The following LXN variants were observed in gnomAD, a reference collection of about 807,000 sequenced individuals.
LXN encodes latexin.
A neutral mutation model predicts 29.8 loss-of-function variants in LXN; 28 were observed. That is an observed-to-expected ratio of 0.94 (90% confidence interval 0.70 to 1.29). LXN has a LOEUF of 1.29. LXN is among the 50% of genes most tolerant of loss of function. LXN has a pLI of 0.00. For synonymous variants in LXN, 77 were observed against 89.6 expected, an observed-to-expected ratio of 0.86 and a Z score of 0.80; for missense variants, 227 against 261.7, an observed-to-expected ratio of 0.87 and a Z score of 0.92.
chr3:158,670,136 G>A (rs1724138885), intron 2 of LXN, among the ~76,000 whole-genome samples: 2 of 152,192 alleles, frequency 1.3e-5, no homozygotes, highest in African/African-American at 4.8e-5. Context: ...ATGCTCAACA[G>A]AAAGGCAAGC....
At chr3:158,669,685 T>G in intron 2 of LXN, 75 bp from the exon 3 acceptor site, 1 of 1,402,706 alleles carries the variant, frequency 7.1e-7, no homozygotes, top group Non-Finnish European at 9.8e-7. Flanking sequence ...GAGATATGAT[T>G]TAAAGCATAG....
In LXN at chr3:158,666,483, G is replaced by T; in HGVS notation, c.*163C>A. ...ATTACTGTTTTAAAGACATTTTTAT[G>T]TAGTGATACTTTGTATTATGGACTC... On this transcript the variant is annotated 3_prime_UTR_variant, in exon 6 of 6. Transcript: ENST00000264265. The T allele has an allele frequency of 8.5e-7, 1 of 1,171,276 alleles. No individual in the cohort carries two copies. Among genetic ancestry groups the T allele is most frequent in the Non-Finnish European group, 1.3e-6 (1 of 782,930 alleles). The allele number at this position is 1,171,276 out of a possible 1,614,324, so 72.6% of individuals were successfully genotyped here. A position where few individuals can be genotyped will look rare whatever the true frequency, so the allele number is the denominator to read the frequency against.
At position 158,666,626 on chromosome 3, in the gene LXN, T is replaced by C. The variant is rs893933244; in HGVS notation, c.*20A>G. On this transcript the variant is annotated 3_prime_UTR_variant, in exon 6 of 6. Coordinates refer to ENST00000264265, the MANE Select transcript of LXN (RefSeq NM_020169.4). ...ACACATCAATAGACATGTTTACACT[T>C]CCAGTGTTAGGGTTTTTGTTTATTC... is the stretch of plus-strand genomic sequence containing the variant. 1 of 1,593,286 alleles carries C rather than the reference T, an allele frequency of 6.3e-7. No homozygotes were observed. Among genetic ancestry groups the C allele is most frequent in the African/African-American group, 1.3e-5 (1 of 74,494 alleles).
intron 1 of LXN, among the ~76,000 whole-genome samples, chr3:158,671,673 A>G (rs2108067869): frequency 6.6e-6 from 1 of 152,364 alleles, no homozygotes; most frequent in South Asian, 2.1e-4. Flanking sequence ...ATTCTGTCAG[A>G]TAAATAAGGG....
At position 158,670,975 on chromosome 3, in the gene LXN, A is replaced by G. The variant is rs986329940; in HGVS notation, c.174T>C (p.Val58=). ...RGHKYHLKFA[V]EEIIQKQVKV... ...AACTTACTTTTTGTATAATTTCTTC[A>G]ACAGCAAATTTAAGGTGATACTTAT... The change falls in exon 2 of 6, where the codon GTT becomes GTC. Residue 58 remains valine (V), a synonymous_variant. Transcript: ENST00000264265. 2 of 1,541,440 alleles carry G rather than the reference A, an allele frequency of 1.3e-6. No individual in the cohort carries two copies. Among genetic ancestry groups the G allele is most frequent in the Non-Finnish European group, 1.7e-6 (2 of 1,146,706 alleles).
At position 158,669,557 on chromosome 3, in the gene LXN, T is replaced by G; in HGVS notation, c.246A>C (p.Glu82Asp). Residue 82 changes from glutamate to aspartate, a missense_variant, in exon 3 of 6, where the codon GAA (glutamate) becomes GAC (aspartate). Coordinates refer to ENST00000264265, the MANE Select transcript of LXN (RefSeq NM_020169.4). ...ATGTGAAGTTGACTTCTGGTGCAGT[T>G]TCTTGTCCCGTTGAAGGGTAAAGTA... is the stretch of plus-strand genomic sequence containing the variant. ...AEVLYPSTGQ[E>D]TAPEVNFTFE... 1 of 1,614,056 alleles carries G rather than the reference T, an allele frequency of 6.2e-7. No homozygotes were observed. The highest frequency in any genetic ancestry group is 1.3e-5 in the African/African-American group (1 of 75,058).
chr3:158,667,385 G>T (rs1484367292), intron 4 of LXN, among the ~76,000 whole-genome samples: 1 of 152,198 alleles, frequency 6.6e-6, no homozygotes, highest in Non-Finnish European at 1.5e-5. Context: ...ATTTAAGAAT[G>T]CTCTGTGTTT....
At chr3:158,672,243 G>T in intron 1 of LXN, 107 bp downstream of exon 1, 1 of 1,389,592 alleles carries the variant, frequency 7.2e-7, no homozygotes, top group Non-Finnish European at 9.9e-7. Flanking sequence ...ACAGAAGGTG[G>T]GTAGGGGGTG....
chr3:158,672,315 A>AG, intron 1 of LXN, 35 bp downstream of exon 1: 2 of 1,610,722 alleles, frequency 1.2e-6, no homozygotes, highest in Non-Finnish European at 1.7e-6. Context: ...GCAATCCTGA[A>AG]GCCTCTGCTG....
At chr3:158,669,207 C>A in intron 3 of LXN, 75 bp from the exon 4 acceptor site, 1 of 1,434,448 alleles carries the variant, frequency 7.0e-7, no homozygotes, top group South Asian at 1.3e-5. Context: ...AATTCTAAAT[C>A]ATGTCTTAGT....
intron 1 of LXN, among the ~76,000 whole-genome samples, chr3:158,672,099 G>A (rs191301816): frequency 7.8e-4 from 119 of 152,244 alleles, no homozygotes; most frequent in African/African-American, 2.8e-3. Flanking sequence ...CCGTTTTCTT[G>A]TAACTGTGTG....
In LXN at chr3:158,672,484, A is replaced by T. The variant is rs929626263; in HGVS notation, c.-6T>A. The T allele has an allele frequency of 6.2e-7, 1 of 1,613,708 alleles. No individual in the cohort carries two copies. Among genetic ancestry groups the T allele is most frequent in the East Asian group, 2.2e-5 (1 of 44,848 alleles). ...TTGGTCGGCGGGATTTCCATTCCGG[A>T]TGAGCAGTGACTTCAGGGCTTGGGC... On this transcript the variant is annotated 5_prime_UTR_variant, in exon 1 of 6. Transcript: ENST00000264265.
intron 4 of LXN, among the ~76,000 whole-genome samples, chr3:158,668,501 C>G (rs1723939560): frequency 6.6e-6 from 1 of 152,148 alleles, no homozygotes; most frequent in African/African-American, 2.4e-5. Context: ...ATAAAACTCT[C>G]TCAACCTTTT....
chr3:158,669,231 T>C, intron 3 of LXN, 99 bp from the exon 4 acceptor site: 3 of 1,342,674 alleles, frequency 2.2e-6, no homozygotes, highest in African/African-American at 3.0e-5. Context: ...CTTCGAATGT[T>C]GTGCAAAAAA....
At chr3:158,666,908 T>C in intron 5 of LXN, 104 bp downstream of exon 5, 1 of 1,508,980 alleles carries the variant, frequency 6.6e-7, no homozygotes, top group African/African-American at 1.4e-5. Context: ...TATCTGGATT[T>C]ACATGAATTC....
Position 158,669,111 on chromosome 3 carries a change from GGA to G in LXN, c.390_391del (p.Pro131ArgfsTer23). The G allele has an allele frequency of 6.2e-7, 1 of 1,613,304 alleles. No individual in the cohort carries two copies. The highest frequency in any genetic ancestry group is 8.5e-7 in the Non-Finnish European group (1 of 1,179,700). On this transcript the variant is annotated frameshift_variant, in exon 4 of 6. Coordinates refer to ENST00000264265, the MANE Select transcript of LXN (RefSeq NM_020169.4). LOFTEE classifies it high-confidence loss of function. The stretch of plus-strand genomic sequence containing the variant: ...TAAATGTAGAACGAGCGTCATTTCT[GGA>G]GATACATTTCCAAAATTGTCTGGTA...
chr3:158,671,446 T>C (rs1449259212), intron 1 of LXN, among the ~76,000 whole-genome samples: 1 of 152,246 alleles, frequency 6.6e-6, no homozygotes, highest in African/African-American at 2.4e-5. Context: ...TGAGGCAGAT[T>C]ACTGCAAAGC....
intron 4 of LXN, among the ~76,000 whole-genome samples, chr3:158,667,339 G>A (rs938781598): frequency 9.9e-5 from 15 of 152,066 alleles, no homozygotes; most frequent in Admixed American, 9.2e-4. Flanking sequence ...CCAAGTTGTG[G>A]TGGCTACTTA....
At chr3:158,671,076 C>G in intron 1 of LXN, 57 bp from the exon 2 acceptor site, 1 of 1,414,160 alleles carries the variant, frequency 7.1e-7, no homozygotes, top group African/African-American at 1.5e-5. Context: ...ATTATACTTG[C>G]ATTGTTAGAA....
Sources: allele counts gnomAD v4.1 joint callset (sites outside exome capture counted in the v4.1 genomes callset), GRCh38; gene constraint gnomAD v4.1.1; transcripts MANE v1.5; gene names NCBI Gene and HGNC (gene_info 2026-07-23, HGNC 2026-07-21).